Variants in STX3 observed in about 807,000 individuals in gnomAD.
STX3 encodes the protein syntaxin 3, also known as syntaxin-3.
Under a neutral mutation model 40.2 loss-of-function variants are expected in STX3, and 19 were observed. The ratio of observed to expected loss-of-function variants is 0.47; its 90% confidence interval spans 0.33 to 0.69. STX3 has a LOEUF of 0.69. Ranked by LOEUF, STX3 falls within the 30% of genes least tolerant of loss-of-function variation. The pLI is 0.02. For synonymous variants in STX3, 122 were observed against 132.2 expected (o/e 0.92, Z 0.53); for missense variants, 364 against 366.7 (o/e 0.99, Z 0.06).
intron 1 of STX3, among the ~76,000 whole-genome samples, chr11:59,767,171 G>A (rs769840436): frequency 2.0e-5 from 3 of 152,052 alleles, no homozygotes; most frequent in Non-Finnish European, 4.4e-5. Flanking sequence ...GTCCTTTCTG[G>A]ATTTGGGGGC....
rs987377176 is a variant in STX3, at chr11:59,781,757, T to C, written c.115-5280T>C. The C allele has an allele frequency of 3.9e-6, 6 of 1,555,830 alleles. No homozygotes were observed. In the African/African-American group the frequency reaches 8.2e-5, roughly 21 times the overall value. The stretch of plus-strand genomic sequence containing the variant: ...GCGGGCTGGCGTGCAGAGAGCAACA[T>C]TTGTTTTCTAAAGCAAAGAAGCAAA... On this transcript the variant is annotated intron_variant, in intron 2 of 10. Transcript: ENST00000337979.
intron 2 of STX3, among the ~76,000 whole-genome samples, chr11:59,780,455 A>T (rs1288573337): frequency 6.6e-6 from 1 of 152,146 alleles, no homozygotes; most frequent in Non-Finnish European, 1.5e-5. Flanking sequence ...TAAGCCACCT[A>T]GGCTATGGTA....
chr11:59,764,988 A>T (rs538494698), intron 1 of STX3, among the ~76,000 whole-genome samples: 1 of 151,948 alleles, frequency 6.6e-6, no homozygotes, highest in Non-Finnish European at 1.5e-5. Flanking sequence ...CCACTGGCTC[A>T]CTGGCCTTGG....
At chr11:59,760,412 T>G (rs967718735) in intron 1 of STX3, among the ~76,000 whole-genome samples, 25 of 128,406 alleles carry the variant, frequency 1.9e-4, no homozygotes, top group East Asian at 1.4e-3. Context: ...AGGTTGTGGG[T>G]TTTTTTTTTT....
chr11:59,795,659 C>T (rs185211613), intron 9 of STX3, 177 bp downstream of exon 9: 20 of 1,537,422 alleles, frequency 1.3e-5, no homozygotes, highest in East Asian at 7.3e-5. Context: ...CTTTGTGGAG[C>T]GGGCCGTGGC....
intron 2 of STX3, among the ~76,000 whole-genome samples, chr11:59,777,015 G>A (rs1864001730): frequency 2.0e-5 from 3 of 152,194 alleles, no homozygotes; most frequent in Admixed American, 1.3e-4. Context: ...GTATTTGAGC[G>A]CTTACTGTCT....
intron 1 of STX3, among the ~76,000 whole-genome samples, chr11:59,764,693 G>T (rs894366297): frequency 1.3e-5 from 2 of 152,088 alleles, no homozygotes; most frequent in African/African-American, 2.4e-5. Flanking sequence ...GAAGCCCTGG[G>T]CTCCCACAGA....
chr11:59,765,753 G>A (rs1489952809), intron 1 of STX3, among the ~76,000 whole-genome samples: 1 of 152,104 alleles, frequency 6.6e-6, no homozygotes, highest in Non-Finnish European at 1.5e-5. Context: ...GCAGTGAGCC[G>A]AGATTGCACC....
At chr11:59,787,979 G>A (rs1864884352) in intron 3 of STX3, among the ~76,000 whole-genome samples, 1 of 152,118 alleles carries the variant, frequency 6.6e-6, no homozygotes. Flanking sequence ...TCACATTCCT[G>A]CCTTCCCAGC....
intron 10 of STX3, chr11:59,800,190 C>G: frequency 3.0e-6 from 3 of 985,408 alleles, no homozygotes; most frequent in Admixed American, 1.2e-4. Context: ...CTAACAAAGT[C>G]AAGACTGATT....
intron 1 of STX3, among the ~76,000 whole-genome samples, chr11:59,771,400 A>G (rs866468982): frequency 4.7e-5 from 2 of 42,214 alleles, no homozygotes; most frequent in African/African-American, 1.1e-4. Context: ...CCGTCCCCCC[A>G]CCTCCCCCCC....
intron 1 of STX3, among the ~76,000 whole-genome samples, chr11:59,768,043 A>G (rs1365921942): frequency 3.3e-5 from 5 of 152,214 alleles, no homozygotes; most frequent in African/African-American, 1.2e-4. Flanking sequence ...TGTGTGCTCT[A>G]CATTGCATAG....
intron 1 of STX3, among the ~76,000 whole-genome samples, 188 bp downstream of exon 1, chr11:59,755,823 A>T (rs992300614): frequency 5.3e-5 from 8 of 151,866 alleles, no homozygotes; most frequent in Non-Finnish European, 1.2e-4. Flanking sequence ...GTGCCCGGTG[A>T]TTCATCGCTA....
chr11:59,761,588 G>C (rs1460142668), intron 1 of STX3, among the ~76,000 whole-genome samples: 3 of 152,134 alleles, frequency 2.0e-5, no homozygotes, highest in Non-Finnish European at 4.4e-5. Flanking sequence ...TCCCTGAGGG[G>C]CCTTACCTCC....
intron 1 of STX3, among the ~76,000 whole-genome samples, chr11:59,763,835 T>A (rs982480689): frequency 6.6e-6 from 1 of 152,150 alleles, no homozygotes; most frequent in Non-Finnish European, 1.5e-5. Context: ...CTGGCCAACA[T>A]GGCGGAAACC....
At chr11:59,757,695 C>T (rs1369648779) in intron 1 of STX3, among the ~76,000 whole-genome samples, 2 of 152,166 alleles carry the variant, frequency 1.3e-5, no homozygotes, top group African/African-American at 4.8e-5. Context: ...CAGCGTGGGA[C>T]AAAGGGACAC....
intron 1 of STX3, 37 bp downstream of exon 1, chr11:59,755,672 G>A: frequency 1.3e-6 from 2 of 1,587,542 alleles, no homozygotes; most frequent in Non-Finnish European, 1.7e-6. Context: ...GCCAGGAGGG[G>A]TGCTGCATGG....
chr11:59,758,703 C>T (rs1862867730), intron 1 of STX3, among the ~76,000 whole-genome samples: 1 of 152,216 alleles, frequency 6.6e-6, no homozygotes, highest in Non-Finnish European at 1.5e-5. Flanking sequence ...CAAGAATGTG[C>T]AGTGCCTCTA....
intron 2 of STX3, chr11:59,781,664 A>G: frequency 6.2e-7 from 1 of 1,609,260 alleles, no homozygotes; most frequent in Non-Finnish European, 8.5e-7. Context: ...TGTATTCATC[A>G]AAGCCTTTGC....
Sources: allele counts gnomAD v4.1 joint callset (sites outside exome capture counted in the v4.1 genomes callset), GRCh38; gene constraint gnomAD v4.1.1; transcripts MANE v1.5; gene names NCBI Gene and HGNC (gene_info 2026-07-23, HGNC 2026-07-21).